ABCC4: variants seen among roughly 807,000 people sequenced by gnomAD.
ABCC4 encodes the protein ATP-binding cassette sub-family C member 4.
In ABCC4, 102 loss-of-function variants were observed where a neutral mutation model predicts 168.5. The ratio of observed to expected loss-of-function variants is 0.61; its 90% CI spans 0.52 to 0.71. The LOEUF is 0.71. Among genes scored for constraint, ABCC4 ranks in the 30% least tolerant of loss-of-function variants. The probability of loss-of-function intolerance (pLI) is 0.00; values close to 1 mark genes in which losing one functional copy is unlikely to be tolerated. For synonymous variants in ABCC4, 617 were observed against 590.7 expected (o/e 1.04, Z -0.65); for missense variants, 1,402 against 1,605.8 (o/e 0.87, Z 2.17).
chr13:95,211,072 CA>C (rs1185840254), intron 4 of ABCC4, among the ~76,000 whole-genome samples: 1 of 152,134 alleles, frequency 6.6e-6, no homozygotes, highest in East Asian at 1.9e-4. Flanking sequence ...AAGAGCCAAC[CA>C]AAGTAATTTT....
Position 95,286,883 on chromosome 13 carries a change from G to C in ABCC4, c.74+14358C>G, listed in dbSNP as rs189726536. On this transcript the variant is annotated intron_variant, in intron 1 of 30. Transcript: ENST00000645237. ...GAGGCAGGAGAATTGCTTGAACCCC[G>C]AGGCAGAGGTTGCAGTGAGCTGAGT... Among the ~76,000 whole-genome samples, 893 of 149,406 alleles carry C rather than the reference G, an allele frequency of 6.0e-3. 9 individuals are homozygous for C. The highest frequency in any genetic ancestry group is 0.021 in the African/African-American group (847 of 40,624).
chr13:95,064,421 C>T (rs7997756), intron 25 of ABCC4, among the ~76,000 whole-genome samples: 3,505 of 151,536 alleles, frequency 0.023, 122 homozygotes, highest in African/African-American at 0.079. Context: ...TAAGATGACA[C>T]ATTCTTTGGT....
At chr13:95,282,891 T>G (rs1347271854) in intron 1 of ABCC4, among the ~76,000 whole-genome samples, 1 of 152,058 alleles carries the variant, frequency 6.6e-6, no homozygotes, top group Non-Finnish European at 1.5e-5. Context: ...CTCTTGGTCA[T>G]TACATATGTA....
chr13:95,218,929 GAA>G (rs560872039), intron 4 of ABCC4, among the ~76,000 whole-genome samples: 267 of 19,674 alleles, frequency 0.014, 18 homozygotes, highest in Non-Finnish European at 0.024. Context: ...GAAAGAAAGA[GAA>G]AGAAAGAAAG....
At chr13:95,092,151 A>G (rs571756928) in intron 20 of ABCC4, among the ~76,000 whole-genome samples, 1 of 152,332 alleles carries the variant, frequency 6.6e-6, no homozygotes, top group East Asian at 1.9e-4. Context: ...TACAGCTCTC[A>G]AATTTATAAA....
chr13:95,051,169 G>A (rs1001643008), intron 27 of ABCC4, among the ~76,000 whole-genome samples: 1 of 152,188 alleles, frequency 6.6e-6, no homozygotes, highest in Admixed American at 6.5e-5. Flanking sequence ...ACCTAATTTA[G>A]AAAAAGAAAA....
At chr13:95,273,766 T>C (rs192726608) in intron 1 of ABCC4, among the ~76,000 whole-genome samples, 54 of 151,438 alleles carry the variant, frequency 3.6e-4, no homozygotes, top group East Asian at 3.3e-3. Context: ...GTGCTGTTCT[T>C]GTGATAGTGG....
At chr13:95,063,411 T>A (rs2033377220) in intron 25 of ABCC4, among the ~76,000 whole-genome samples, 1 of 151,756 alleles carries the variant, frequency 6.6e-6, no homozygotes, top group African/African-American at 2.4e-5. Context: ...TTATTTAAGA[T>A]AACATATTCT....
intron 3 of ABCC4, among the ~76,000 whole-genome samples, chr13:95,238,192 T>C (rs1172079274): frequency 1.3e-5 from 1 of 75,934 alleles, no homozygotes; most frequent in Non-Finnish European, 2.1e-5. Flanking sequence ...AGACTCCATC[T>C]CAGAAAAAAA....
intron 21 of ABCC4, among the ~76,000 whole-genome samples, chr13:95,082,580 T>A (rs941832083): frequency 2.6e-5 from 4 of 152,162 alleles, no homozygotes; most frequent in Non-Finnish European, 4.4e-5. Flanking sequence ...AAAATAACAA[T>A]GCTTATCTTT....
In ABCC4 at chr13:95,110,655, T is replaced by C. The variant is rs199769273; in HGVS notation, c.2535+5267A>G. Among the ~76,000 whole-genome samples the C allele has an allele frequency of 1.3e-3, 199 of 152,252 alleles. 5 individuals carry two copies. Among genetic ancestry groups the C allele is most frequent in the East Asian group, 4.2e-3 (22 of 5,182 alleles). On this transcript the variant is annotated intron_variant, in intron 20 of 30. Coordinates refer to ENST00000645237, the MANE Select transcript of ABCC4 (RefSeq NM_005845.5). ...AAGAGATTCATGATGCTGGCATTGG[T>C]GCTGATATTAGGAAGTAATCAAGCA...
At chr13:95,073,387 C>T in intron 23 of ABCC4, 83 bp from the exon 24 acceptor site, 2 of 902,222 alleles carry the variant, frequency 2.2e-6, no homozygotes, top group Non-Finnish European at 3.4e-6. Flanking sequence ...CAAGAGGAAC[C>T]CTTCATAATG....
chr13:95,270,127 AT>A (rs2040808309), intron 1 of ABCC4, among the ~76,000 whole-genome samples: 2 of 152,212 alleles, frequency 1.3e-5, no homozygotes, highest in South Asian at 4.1e-4. Flanking sequence ...AACGTTGGGC[AT>A]TTGATAGGCA....
Position 95,206,705 on chromosome 13 carries a change from T to C in ABCC4, c.988A>G (p.Ile330Val). 6.2e-7 allele frequency: 1 copy of C among 1,614,094 alleles called. No homozygotes were observed. The highest frequency in any genetic ancestry group is 8.5e-7 in the Non-Finnish European group (1 of 1,180,014). ...NLASFFSASK[I>V]IVFVTFTTYV... is the part of the protein sequence containing the mutation. The stretch of plus-strand genomic sequence containing the variant: ...GTGGTGAAGGTCACAAACACGATGA[T>C]TTTGCTTGCACTGAAAAATGAAGCC... Residue 330 changes from isoleucine to valine, a missense_variant, in exon 8 of 31, where the codon ATC (isoleucine) becomes GTC (valine). By Grantham distance (29) the Ile-to-Val change is conservative (BLOSUM62 3). Around this residue, in one of 3 missense-constraint regions of ABCC4, gnomAD observed 78 missense variants for 133.0 expected, o/e 0.59. Transcript: ENST00000645237.
At chr13:95,243,692 G>T (rs897576282) in intron 3 of ABCC4, among the ~76,000 whole-genome samples, 1 of 152,038 alleles carries the variant, frequency 6.6e-6, no homozygotes, top group Non-Finnish European at 1.5e-5. Flanking sequence ...TTCTAGACCG[G>T]CCCGGACAAC....
At chr13:95,082,992 T>C (rs1285421712) in intron 21 of ABCC4, 148 bp downstream of exon 21, 2 of 886,996 alleles carry the variant, frequency 2.3e-6, no homozygotes, top group East Asian at 5.0e-5. Context: ...AGGGACACAA[T>C]GATTCATAAT....
At chr13:95,153,933 T>A (rs1374539164) in intron 19 of ABCC4, among the ~76,000 whole-genome samples, 1 of 152,232 alleles carries the variant, frequency 6.6e-6, no homozygotes, top group Non-Finnish European at 1.5e-5. Flanking sequence ...CCATAAAATA[T>A]GACTTCGTAT....
intron 4 of ABCC4, among the ~76,000 whole-genome samples, chr13:95,218,945 GAAAGAAAGAAAGAA>G (rs2039216428): frequency 3.3e-5 from 1 of 30,708 alleles, no homozygotes; most frequent in African/African-American, 1.8e-4. Context: ...AAGAAAGAAA[GAAAGAAAGAAAGAA>G]AGAAAGAAAG....
At chr13:95,232,794 C>T (rs555107490) in intron 4 of ABCC4, among the ~76,000 whole-genome samples, 24 of 152,300 alleles carry the variant, frequency 1.6e-4, no homozygotes, top group African/African-American at 5.3e-4. Flanking sequence ...GGCAACTTCT[C>T]AGCAAAGCAA....
Sources: allele counts gnomAD v4.1 joint callset (sites outside exome capture counted in the v4.1 genomes callset), GRCh38; gene constraint gnomAD v4.1.1; regional missense constraint gnomAD v4.1.1; transcripts MANE v1.5; gene names NCBI Gene and HGNC (gene_info 2026-07-23, HGNC 2026-07-21).